DIAPH2: variants seen among roughly 807,000 people sequenced by gnomAD.
DIAPH2 encodes diaphanous related formin 2, also known as protein diaphanous homolog 2.
A neutral mutation model predicts 92.7 loss-of-function variants in DIAPH2; 35 were observed. That is an observed-to-expected ratio of 0.38 (90% CI 0.29 to 0.50). The LOEUF (loss-of-function observed/expected upper bound fraction) is 0.50, where lower values mean the gene tolerates loss of function less well. Ranked by LOEUF, DIAPH2 falls within the 20% of genes least tolerant of loss-of-function variation. DIAPH2 has a pLI of 0.94. For missense variants in DIAPH2, 701 were observed against 819.5 expected (o/e 0.86, Z 1.77); for synonymous variants, 301 against 280.4 (o/e 1.07, Z -0.73).
intron 26 of DIAPH2, chrX:97,469,731 A>G: frequency 8.3e-7 from 1 of 1,207,845 alleles, no homozygotes; most frequent in Non-Finnish European, 1.1e-6. Context: ...CTAATCCAAG[A>G]TCAGCTACAT....
intron 4 of DIAPH2, among the ~76,000 whole-genome samples, chrX:96,821,407 A>G (rs1157687232): frequency 2.7e-5 from 3 of 111,149 alleles, no homozygotes; most frequent in African/African-American, 9.8e-5. Context: ...ACTTCCTTGC[A>G]CATGTGCACA....
At chrX:96,916,334 T>G in intron 7 of DIAPH2, 104 bp from the exon 8 acceptor site, 1 of 714,597 alleles carries the variant, frequency 1.4e-6, no homozygotes, top group Non-Finnish European at 1.9e-6. Context: ...TAGAACCTCA[T>G]TGTGGGGGTA....
At chrX:96,949,433 A>G (rs761192508) in intron 15 of DIAPH2, among the ~76,000 whole-genome samples, 9 of 110,589 alleles carry the variant, frequency 8.1e-5, no homozygotes, top group African/African-American at 3.0e-4. Context: ...ATTTCCACCT[A>G]CATTTCCTAT....
intron 26 of DIAPH2, among the ~76,000 whole-genome samples, chrX:97,437,785 C>T (rs1001916032): frequency 9.1e-6 from 1 of 109,528 alleles, no homozygotes; most frequent in Non-Finnish European, 1.9e-5. Flanking sequence ...CACACACACA[C>T]ACACACACAC....
chrX:97,171,517 G>C (rs1207622984), intron 22 of DIAPH2, among the ~76,000 whole-genome samples: 1 of 112,169 alleles, frequency 8.9e-6, no homozygotes, highest in Admixed American at 9.4e-5. Context: ...AGTGGAAGAG[G>C]AAAGCTGCCC....
At chrX:97,133,960 T>A (rs1243678264) in intron 21 of DIAPH2, among the ~76,000 whole-genome samples, 1 of 112,552 alleles carries the variant, frequency 8.9e-6, no homozygotes, top group Non-Finnish European at 1.9e-5. Context: ...CAGAATCTGA[T>A]TCAAACTTTC....
chrX:97,155,041 A>C (rs1030420643), intron 22 of DIAPH2, among the ~76,000 whole-genome samples: 1 of 112,200 alleles, frequency 8.9e-6, no homozygotes, highest in African/African-American at 3.2e-5. Context: ...TGAAACAATA[A>C]AATATAAGTT....
In DIAPH2 at chrX:97,123,062, A is replaced by G. The variant is rs112038604; in HGVS notation, c.2589+8097A>G. 9.6e-3 allele frequency among the ~76,000 whole-genome samples: 1,077 copies of G among 112,119 alleles called. 7 individuals are homozygous for G. The highest frequency in any genetic ancestry group is 0.017 in the South Asian group (46 of 2,693). On this transcript the variant is annotated intron_variant, in intron 21 of 26. Coordinates refer to ENST00000324765, the MANE Select transcript of DIAPH2 (RefSeq NM_006729.5). ...TGCCTCATTATATTACGTTGAAGCAAGAATATTCGCTATAGTTTAGACCTC... is the reference window on the plus strand; with the variant it reads ...TGCCTCATTATATTACGTTGAAGCAGGAATATTCGCTATAGTTTAGACCTC...
intron 22 of DIAPH2, among the ~76,000 whole-genome samples, chrX:97,146,007 C>CTTTTTTTTTTTT (rs372292277): frequency 2.3e-5 from 1 of 43,169 alleles, no homozygotes; most frequent in Non-Finnish European, 4.0e-5. Context: ...TTTCTTCTTC[C>CTTTTTTTTTTTT]TTTTTTTTTT....
At chrX:97,360,521 G>A (rs1221501730) in intron 24 of DIAPH2, among the ~76,000 whole-genome samples, 1 of 110,836 alleles carries the variant, frequency 9.0e-6, no homozygotes, top group Admixed American at 9.6e-5. Flanking sequence ...CTACTTGGGA[G>A]GCTGAGGCAG....
chrX:96,939,058 C>T (rs1351946484), intron 11 of DIAPH2, among the ~76,000 whole-genome samples: 1 of 111,397 alleles, frequency 9.0e-6, no homozygotes, highest in African/African-American at 3.3e-5. Context: ...TGGACATGCT[C>T]TTGAGGTCTG....
intron 26 of DIAPH2, among the ~76,000 whole-genome samples, chrX:97,587,613 C>G (rs1202341185): frequency 8.9e-6 from 1 of 111,753 alleles, no homozygotes; most frequent in Non-Finnish European, 1.9e-5. Context: ...ATAGGCTAAT[C>G]TGAAAAATAC....
intron 26 of DIAPH2, among the ~76,000 whole-genome samples, chrX:97,518,943 A>G (rs1028692611): frequency 2.3e-4 from 26 of 111,775 alleles, no homozygotes; most frequent in Non-Finnish European, 1.5e-4. Context: ...ATGGTGACTC[A>G]TATCTCAAAG....
chrX:97,571,688 C>G (rs1392552418), intron 26 of DIAPH2, among the ~76,000 whole-genome samples: 1 of 110,397 alleles, frequency 9.1e-6, no homozygotes, highest in Non-Finnish European at 1.9e-5. Context: ...TCTCTGAATC[C>G]TTTGCTTTCA....
At chrX:97,579,674 C>T (rs2071424660) in intron 26 of DIAPH2, among the ~76,000 whole-genome samples, 1 of 110,050 alleles carries the variant, frequency 9.1e-6, no homozygotes, top group African/African-American at 3.3e-5. Flanking sequence ...TCCATATGAA[C>T]TTTAAAGTAG....
At chrX:96,771,622 A>G (rs1052411105) in intron 4 of DIAPH2, among the ~76,000 whole-genome samples, 10 of 111,894 alleles carry the variant, frequency 8.9e-5, no homozygotes, top group African/African-American at 1.9e-4. Context: ...TGCTGTTGCC[A>G]TTATAAAACT....
intron 5 of DIAPH2, among the ~76,000 whole-genome samples, chrX:96,899,703 A>C (rs370143776): frequency 9.1e-5 from 10 of 110,372 alleles, no homozygotes; most frequent in Non-Finnish European, 1.3e-4. Flanking sequence ...TCTTTTCCTA[A>C]TTGAATACCC....
At chrX:96,940,538 G>A (rs2065697778) in intron 12 of DIAPH2, among the ~76,000 whole-genome samples, 1 of 111,490 alleles carries the variant, frequency 9.0e-6, no homozygotes, top group African/African-American at 3.3e-5. Context: ...AAACCTGCTT[G>A]ATTAAATGGA....
intron 26 of DIAPH2, among the ~76,000 whole-genome samples, chrX:97,443,003 C>T (rs1469214870): frequency 9.0e-6 from 1 of 111,097 alleles, no homozygotes; most frequent in Non-Finnish European, 1.9e-5. Flanking sequence ...CCCCCACAGC[C>T]CCTCAACCCC....
Sources: allele counts gnomAD v4.1 joint callset (sites outside exome capture counted in the v4.1 genomes callset), GRCh38; gene constraint gnomAD v4.1.1; transcripts MANE v1.5; gene names NCBI Gene and HGNC (gene_info 2026-07-23, HGNC 2026-07-21).